Variants in TMEM132D observed in about 807,000 individuals in gnomAD.
TMEM132D encodes mature OL transmembrane protein.
Under a neutral mutation model 62.3 loss-of-function variants are expected in TMEM132D, and 21 were observed. The ratio of observed to expected loss-of-function variants is 0.34; its 90% CI spans 0.24 to 0.49. TMEM132D has a LOEUF of 0.49. TMEM132D is among the 20% of genes least tolerant of loss of function. The probability of loss-of-function intolerance (pLI) is 0.99; values close to 1 mark genes in which losing one functional copy is unlikely to be tolerated. For synonymous variants in TMEM132D, 621 were observed against 575.6 expected (o/e 1.08, Z -1.13); for missense variants, 1,346 against 1,402.8 (o/e 0.96, Z 0.65).
chr12:129,207,314 C>T (rs148974672), intron 5 of TMEM132D, among the ~76,000 whole-genome samples: 2 of 151,890 alleles, frequency 1.3e-5, no homozygotes, highest in African/African-American at 2.4e-5. Flanking sequence ...AATACAGCAC[C>T]GCCCTCACAG....
Position 129,619,692 on chromosome 12 carries a change from C to A in TMEM132D, c.968+80118G>T, listed in dbSNP as rs551099725. Among the ~76,000 whole-genome samples, 7 of 152,302 alleles carry A rather than the reference C, an allele frequency of 4.6e-5. No individual in the cohort carries two copies. The East Asian group carries it at 1.3e-3, about 29-fold the overall frequency. ...TCTTTTAATGTCCCCATTATAAATT[C>A]CTGTTTCCAGTGTTTCAAACATGAG... On this transcript the variant is annotated intron_variant, in intron 2 of 8. Coordinates refer to ENST00000422113, the MANE Select transcript of TMEM132D (RefSeq NM_133448.3).
intron 3 of TMEM132D, among the ~76,000 whole-genome samples, chr12:129,428,627 G>C (rs1872564329): frequency 6.6e-6 from 1 of 152,186 alleles, no homozygotes; most frequent in Non-Finnish European, 1.5e-5. Context: ...ATATTAGCAA[G>C]CATCAGCTCT....
intron 5 of TMEM132D, among the ~76,000 whole-genome samples, chr12:129,088,339 A>C (rs371378242): frequency 7.2e-5 from 2 of 27,822 alleles, no homozygotes; most frequent in Non-Finnish European, 1.1e-4. Context: ...GGTGTCCTCT[A>C]TGACCGGGTG....
chr12:129,822,144 G>A (rs900315402), intron 1 of TMEM132D, among the ~76,000 whole-genome samples: 5 of 152,128 alleles, frequency 3.3e-5, no homozygotes, highest in African/African-American at 1.2e-4. Context: ...GAGGACAGGA[G>A]TGGAAGAGTC....
intron 2 of TMEM132D, among the ~76,000 whole-genome samples, chr12:129,696,321 G>T (rs1881206544): frequency 6.6e-6 from 1 of 152,270 alleles, no homozygotes; most frequent in East Asian, 1.9e-4. Context: ...ACAGTGCTAG[G>T]CATATGGCAC....
At chr12:129,388,032 C>A (rs1203567816) in intron 3 of TMEM132D, among the ~76,000 whole-genome samples, 1 of 111,106 alleles carries the variant, frequency 9.0e-6, no homozygotes, top group Non-Finnish European at 1.9e-5. Context: ...CAACACCAAT[C>A]CAGCACTGAT....
At chr12:129,862,134 G>C (rs1392994573) in intron 1 of TMEM132D, among the ~76,000 whole-genome samples, 1 of 152,178 alleles carries the variant, frequency 6.6e-6, no homozygotes, top group Admixed American at 6.5e-5. Flanking sequence ...CTTTACATGT[G>C]TGATACTCTT....
At chr12:129,496,274 T>G (rs1479540967) in intron 3 of TMEM132D, among the ~76,000 whole-genome samples, 1 of 152,148 alleles carries the variant, frequency 6.6e-6, no homozygotes, top group Non-Finnish European at 1.5e-5. Context: ...AGTTTTCAGG[T>G]ATATGTGCAC....
At chr12:129,410,241 G>A (rs1188156395) in intron 3 of TMEM132D, among the ~76,000 whole-genome samples, 2 of 152,076 alleles carry the variant, frequency 1.3e-5, no homozygotes, top group East Asian at 3.9e-4. Flanking sequence ...TTCCACACAG[G>A]AAAACACAGT....
rs1447635501 is a variant in TMEM132D at position 129,117,005 on chromosome 12, C to A, written c.1444-32303G>T. On this transcript the variant is annotated intron_variant, in intron 5 of 8. Coordinates refer to ENST00000422113, the MANE Select transcript of TMEM132D (RefSeq NM_133448.3). Reference sequence around the variant, plus strand: ...ATAATTGCCAAAAATTGGAAGCAACCAAGATATCCTTTAGTAGGTGAATGG... The same window carrying A: ...ATAATTGCCAAAAATTGGAAGCAACAAAGATATCCTTTAGTAGGTGAATGG... 2.1e-5 allele frequency among the ~76,000 whole-genome samples: 3 copies of A among 145,346 alleles called. No individual in the cohort carries two copies. In the East Asian group the frequency reaches 6.1e-4, roughly 29 times the overall value.
At chr12:129,368,794 A>G (rs559924893) in intron 3 of TMEM132D, among the ~76,000 whole-genome samples, 1 of 151,874 alleles carries the variant, frequency 6.6e-6, no homozygotes, top group East Asian at 1.9e-4. Flanking sequence ...AAAGGCTCTG[A>G]CATGAGGTCA....
At chr12:129,732,005 G>A (rs1869264534) in intron 1 of TMEM132D, among the ~76,000 whole-genome samples, 1 of 152,186 alleles carries the variant, frequency 6.6e-6, no homozygotes, top group East Asian at 1.9e-4. Context: ...TTTTAAAACA[G>A]CCCCATGGGT....
chr12:129,464,522 T>A (rs1323462964), intron 3 of TMEM132D, among the ~76,000 whole-genome samples: 1 of 152,168 alleles, frequency 6.6e-6, no homozygotes, highest in Non-Finnish European at 1.5e-5. Flanking sequence ...TTGCTTTTGG[T>A]GTTTTAGACA....
At chr12:129,076,029 A>G (rs11060119) in intron 8 of TMEM132D, among the ~76,000 whole-genome samples, 25,287 of 151,648 alleles carry the variant, frequency 0.17, 2,487 homozygotes, top group African/African-American at 0.27. Flanking sequence ...CAGCTGATTG[A>G]AATGAGACAG....
At chr12:129,224,115 C>T (rs375446624) in intron 4 of TMEM132D, among the ~76,000 whole-genome samples, 21 of 152,282 alleles carry the variant, frequency 1.4e-4, no homozygotes, top group East Asian at 3.9e-4. Context: ...AGAACCACTG[C>T]GGTGGGGCGA....
At chr12:129,644,107 C>T (rs1449588593) in intron 2 of TMEM132D, among the ~76,000 whole-genome samples, 1 of 152,090 alleles carries the variant, frequency 6.6e-6, no homozygotes, top group South Asian at 2.1e-4. Flanking sequence ...CCCGCCTCAG[C>T]CTCCCAAAGT....
In TMEM132D at chr12:129,286,527, C is replaced by T. The variant is rs569400836; in HGVS notation, c.1299+51107G>A. Among the ~76,000 whole-genome samples, 143 of 152,278 alleles carry T rather than the reference C, an allele frequency of 9.4e-4. No individual in the cohort carries two copies. The South Asian group carries it at 0.011, about 12-fold the overall frequency. Reference sequence around the variant, plus strand: ...GTAATCACACTATGAGATTCTGTTGCAGAAGTGATAATGTTATGTGTTCAT... The same window carrying T: ...GTAATCACACTATGAGATTCTGTTGTAGAAGTGATAATGTTATGTGTTCAT... On this transcript the variant is annotated intron_variant, in intron 4 of 8. Coordinates refer to ENST00000422113, the MANE Select transcript of TMEM132D (RefSeq NM_133448.3).
chr12:129,174,188 C>T (rs981453144), intron 5 of TMEM132D, among the ~76,000 whole-genome samples: 14 of 152,204 alleles, frequency 9.2e-5, no homozygotes, highest in East Asian at 3.9e-4. Flanking sequence ...CCATGGTGGT[C>T]TGCTGCACTT....
intron 5 of TMEM132D, among the ~76,000 whole-genome samples, chr12:129,096,767 A>G (rs2135632405): frequency 6.6e-6 from 1 of 152,352 alleles, no homozygotes; most frequent in East Asian, 1.9e-4. Flanking sequence ...AGAAGATTCC[A>G]TATATAGTCC....
Sources: gnomAD v4.1 joint callset for allele counts (sites outside exome capture counted in the v4.1 genomes callset) on GRCh38, gnomAD v4.1.1 for gene constraint, MANE v1.5 for transcripts, NCBI Gene and HGNC (gene_info 2026-07-23, HGNC 2026-07-21) for gene names.